RHOBTB1: variants seen among roughly 807,000 people sequenced by gnomAD.
The protein encoded by RHOBTB1 is rho-related BTB domain-containing protein 1.
In RHOBTB1, 40 loss-of-function variants were observed where a neutral mutation model predicts 71.6. The ratio of observed to expected loss-of-function variants is 0.56; its 90% CI spans 0.43 to 0.73. The LOEUF (loss-of-function observed/expected upper bound fraction) is 0.73, where lower values mean the gene tolerates loss of function less well. Among genes scored for constraint, RHOBTB1 ranks in the 30% least tolerant of loss-of-function variants. The pLI is 0.00. For missense variants in RHOBTB1, 797 were observed against 894.0 expected (o/e 0.89, Z 1.38); for synonymous variants, 319 against 334.9 (o/e 0.95, Z 0.52).
chr10:60,970,782 C>T (rs994041342), intron 2 of RHOBTB1, among the ~76,000 whole-genome samples: 1 of 151,836 alleles, frequency 6.6e-6, no homozygotes, highest in Non-Finnish European at 1.5e-5. Context: ...TTTTACAGTG[C>T]AAGATTAATG....
the RHOBTB1 span, among the ~76,000 whole-genome samples, chr10:60,861,165 A>T: frequency 2.0e-5 from 3 of 152,182 alleles, no homozygotes; most frequent in African/African-American, 7.2e-5. Context: ...TAGGGTGAAG[A>T]TGAGAAAGTC....
intron 2 of RHOBTB1, among the ~76,000 whole-genome samples, chr10:60,916,839 T>C (rs543485650): frequency 3.9e-5 from 6 of 152,214 alleles, no homozygotes; most frequent in South Asian, 2.1e-4. Context: ...TCCTGGACTA[T>C]CTATGTGGGT....
At chr10:60,888,098 A>T in intron 6 of RHOBTB1, 114 bp downstream of exon 6, 6 of 1,222,876 alleles carry the variant, frequency 4.9e-6, no homozygotes, top group Non-Finnish European at 5.6e-6. Context: ...ACATGGGAAA[A>T]AATAAGTACG....
At chr10:61,000,109 G>C (rs60136105) in intron 1 of RHOBTB1, among the ~76,000 whole-genome samples, 26 of 152,316 alleles carry the variant, frequency 1.7e-4, no homozygotes, top group African/African-American at 5.3e-4. Flanking sequence ...GACTCAGGAA[G>C]CATTTTACAA....
chr10:60,961,525 C>G (rs1348161747), intron 2 of RHOBTB1, among the ~76,000 whole-genome samples: 2 of 152,042 alleles, frequency 1.3e-5, no homozygotes, highest in Non-Finnish European at 2.9e-5. Flanking sequence ...GTAAATACAG[C>G]CTCATAAGAA....
chr10:60,956,222 G>A (rs996737438), intron 2 of RHOBTB1, among the ~76,000 whole-genome samples: 1 of 152,074 alleles, frequency 6.6e-6, no homozygotes, highest in Non-Finnish European at 1.5e-5. Flanking sequence ...CAGTATTTGT[G>A]TATCTAAACA....
intron 2 of RHOBTB1, among the ~76,000 whole-genome samples, chr10:60,917,928 T>C (rs898122452): frequency 6.6e-6 from 1 of 152,232 alleles, no homozygotes; most frequent in African/African-American, 2.4e-5. Context: ...TTTTTCTCTG[T>C]ATCAATAAAG....
intron 4 of RHOBTB1, among the ~76,000 whole-genome samples, chr10:60,903,201 G>C (rs1223107369): frequency 6.6e-6 from 1 of 152,180 alleles, no homozygotes; most frequent in Non-Finnish European, 1.5e-5. Flanking sequence ...TTGAGAATAG[G>C]TGGGATAGGG....
rs780225078 is a variant in RHOBTB1, at chr10:60,871,655, G to A, written c.1922-4C>T. ...CGCTCGAAGTATTCCTGGTTGTCTG[G>A]TGAAGGAAAGATGCAGACCATAAGA... On this transcript the variant is annotated splice_polypyrimidine_tract_variant and splice_region_variant and intron_variant, in intron 10 of 10. Coordinates refer to ENST00000337910, the MANE Select transcript of RHOBTB1 (RefSeq NM_014836.5). 3.8e-5 allele frequency: 62 copies of A among 1,613,066 alleles called. No homozygotes were observed. Among genetic ancestry groups the A allele is most frequent in the Non-Finnish European group, 5.2e-5 (61 of 1,179,650 alleles).
At chr10:60,959,574 C>T (rs1292279032) in intron 2 of RHOBTB1, among the ~76,000 whole-genome samples, 1 of 152,104 alleles carries the variant, frequency 6.6e-6, no homozygotes, top group Non-Finnish European at 1.5e-5. Context: ...AAAAATGAAA[C>T]AAACAAACAA....
intron 4 of RHOBTB1, among the ~76,000 whole-genome samples, chr10:60,897,511 CATT>C (rs1212094500): frequency 6.6e-6 from 1 of 152,106 alleles, no homozygotes; most frequent in East Asian, 1.9e-4. Context: ...ATAATTCTGA[CATT>C]ATCTTTTTAT....
At chr10:60,880,510 C>T (rs1019490704) in intron 7 of RHOBTB1, among the ~76,000 whole-genome samples, 6 of 152,018 alleles carry the variant, frequency 3.9e-5, no homozygotes. Flanking sequence ...AAATTTATCC[C>T]CCACTTTCAG....
chr10:60,926,208 G>GC (rs1460554637), intron 2 of RHOBTB1, among the ~76,000 whole-genome samples: 1 of 152,136 alleles, frequency 6.6e-6, no homozygotes, highest in Non-Finnish European at 1.5e-5. Context: ...CTGCACTCCA[G>GC]CCAGGGCAAC....
chr10:60,877,385 A>C (rs1284095129), intron 8 of RHOBTB1, among the ~76,000 whole-genome samples: 1 of 152,194 alleles, frequency 6.6e-6, no homozygotes, highest in Non-Finnish European at 1.5e-5. Context: ...TCTATGGCTG[A>C]ATAATATTAG....
At chr10:60,919,965 A>G (rs1217485014) in intron 2 of RHOBTB1, among the ~76,000 whole-genome samples, 2 of 152,236 alleles carry the variant, frequency 1.3e-5, no homozygotes, top group African/African-American at 4.8e-5. Context: ...AAAATTTAAA[A>G]GATGCATGAA....
upstream of RHOBTB1, among the ~76,000 whole-genome samples, chr10:61,001,695 G>A (rs963549060): frequency 1.6e-3 from 248 of 152,130 alleles, 2 homozygotes; most frequent in African/African-American, 5.5e-3. Flanking sequence ...GGTCCCGGGA[G>A]CCCTGGGCCG....
chr10:60,871,665 G>A lies in RHOBTB1; in HGVS notation c.1922-14C>T, dbSNP rs984108203. The A allele has an allele frequency of 6.2e-7, 1 of 1,612,096 alleles. No individual in the cohort carries two copies. Among genetic ancestry groups the A allele is most frequent in the Non-Finnish European group, 8.5e-7 (1 of 1,179,220 alleles). Reference sequence around the variant, plus strand: ...ATTCCTGGTTGTCTGGTGAAGGAAAGATGCAGACCATAAGACCTGCGGTTC... The same window carrying A: ...ATTCCTGGTTGTCTGGTGAAGGAAAAATGCAGACCATAAGACCTGCGGTTC... On this transcript the variant is annotated splice_polypyrimidine_tract_variant and intron_variant, in intron 10 of 10. Coordinates refer to ENST00000337910, the MANE Select transcript of RHOBTB1 (RefSeq NM_014836.5).
At chr10:60,947,645 A>G (rs1425870928), upstream of RHOBTB1, among the ~76,000 whole-genome samples, 1 of 152,144 alleles carries the variant, frequency 6.6e-6, no homozygotes, top group Non-Finnish European at 1.5e-5. Flanking sequence ...ATGGTATTGA[A>G]TGTATCAATA....
intron 2 of RHOBTB1, among the ~76,000 whole-genome samples, chr10:60,932,455 G>A (rs191212945): frequency 3.2e-4 from 45 of 140,260 alleles, no homozygotes; most frequent in African/African-American, 1.2e-3. Context: ...TCATCAAGCT[G>A]TACATTTGCG....
Sources: gnomAD v4.1 joint callset for allele counts (sites outside exome capture counted in the v4.1 genomes callset) on GRCh38, gnomAD v4.1.1 for gene constraint, MANE v1.5 for transcripts, NCBI Gene and HGNC (gene_info 2026-07-23, HGNC 2026-07-21) for gene names.